The following DENND4C variants were observed in gnomAD, a reference collection of about 807,000 sequenced individuals.
DENND4C encodes DENN domain-containing protein 4C.
A neutral mutation model predicts 203.0 loss-of-function variants in DENND4C; 108 were observed. The ratio of observed to expected loss-of-function variants is 0.53; its 90% CI spans 0.46 to 0.62. DENND4C has a LOEUF of 0.62. Among genes scored for constraint, DENND4C ranks in the 20% least tolerant of loss-of-function variants. DENND4C has a pLI of 0.00. For missense variants in DENND4C, 2,481 were observed against 2,301.2 expected (o/e 1.08, Z -1.60); for synonymous variants, 871 against 792.4 (o/e 1.10, Z -1.67).
intron 30 of DENND4C, among the ~76,000 whole-genome samples, chr9:19,364,027 A>G (rs1035824565): frequency 6.6e-6 from 1 of 152,092 alleles, no homozygotes; most frequent in Non-Finnish European, 1.5e-5. Context: ...AAAGAAAAAA[A>G]GGATAATGTG....
chr9:19,281,096 G>T lies in DENND4C; in HGVS notation c.305+4617G>T, dbSNP rs191620203. Among the ~76,000 whole-genome samples, 250 of 152,228 alleles carry T rather than the reference G, an allele frequency of 1.6e-3. 2 individuals carry two copies. The highest frequency in any genetic ancestry group is 4.6e-3 in the African/African-American group (191 of 41,550). On this transcript the variant is annotated intron_variant, in intron 2 of 32. Coordinates refer to ENST00000434457, the MANE Select transcript of DENND4C (RefSeq NM_001330640.2). ...GCCCACCTGCCACCCCTCCCATACA[G>T]TCATGACTGAAAGATGTGAATCTCT... is the stretch of plus-strand genomic sequence containing the variant.
At chr9:19,331,842 C>A in intron 16 of DENND4C, 136 bp from the exon 17 acceptor site, 3 of 719,154 alleles carry the variant, frequency 4.2e-6, no homozygotes, top group East Asian at 2.7e-5. Context: ...GGAAGCCACT[C>A]ACAAAAGTCA....
intron 12 of DENND4C, among the ~76,000 whole-genome samples, chr9:19,323,682 C>G (rs1843261906): frequency 6.6e-6 from 1 of 152,124 alleles, no homozygotes; most frequent in South Asian, 2.1e-4. Flanking sequence ...AAATAATGGT[C>G]TTGCAACATT....
At chr9:19,240,372 A>G (rs551524938) in intron 1 of DENND4C, among the ~76,000 whole-genome samples, 2 of 152,308 alleles carry the variant, frequency 1.3e-5, no homozygotes, top group East Asian at 1.9e-4. Flanking sequence ...AAAATACGGT[A>G]TAAAAGGGCC....
chr9:19,358,172 C>G lies in DENND4C; in HGVS notation c.5160+12C>G, dbSNP rs771604310. On this transcript the variant is annotated intron_variant, in intron 28 of 32. Coordinates refer to ENST00000434457, the MANE Select transcript of DENND4C (RefSeq NM_001330640.2). The surrounding 1 kb of genome is among the most constrained non-coding windows in gnomAD (Gnocchi z 4.8). ...TGCAGGAAGTTGTGGTATGTAACAA[C>G]AACAACATTGTAATTATACTGCATA... 1 of 1,606,902 alleles carries G rather than the reference C, an allele frequency of 6.2e-7. No homozygotes were observed. Among genetic ancestry groups the G allele is most frequent in the Non-Finnish European group, 8.5e-7 (1 of 1,174,596 alleles).
chr9:19,370,761 G>A (rs1563851061), intron 31 of DENND4C, among the ~76,000 whole-genome samples: 1 of 152,208 alleles, frequency 6.6e-6, no homozygotes. Flanking sequence ...GCTCAGATTA[G>A]TACTCATCCC....
chr9:19,309,254 C>G (rs1057083501), intron 10 of DENND4C, among the ~76,000 whole-genome samples: 5 of 152,108 alleles, frequency 3.3e-5, no homozygotes, highest in Admixed American at 6.5e-5. Context: ...GAAACCCCAT[C>G]TCTACTAACA....
At chr9:19,257,099 C>T (rs1028649234) in intron 1 of DENND4C, among the ~76,000 whole-genome samples, 6 of 150,368 alleles carry the variant, frequency 4.0e-5, no homozygotes, top group Non-Finnish European at 7.4e-5. Context: ...TATTTTGATC[C>T]AGGTGAGGTT....
At chr9:19,317,211 G>C (rs544386547) in intron 12 of DENND4C, among the ~76,000 whole-genome samples, 52 of 141,708 alleles carry the variant, frequency 3.7e-4, no homozygotes, top group African/African-American at 1.3e-3. Flanking sequence ...TAATAGAGCA[G>C]AGTCTTGCTG....
intron 1 of DENND4C, among the ~76,000 whole-genome samples, chr9:19,232,141 C>G (rs77476179): frequency 0.015 from 2,261 of 152,178 alleles, 51 homozygotes; most frequent in African/African-American, 0.052. Context: ...CTGTCCTGTT[C>G]TTTGTATTAC....
At chr9:19,335,133 G>A (rs888892591) in intron 18 of DENND4C, 28 bp downstream of exon 18, 2 of 1,468,402 alleles carry the variant, frequency 1.4e-6, no homozygotes, top group Non-Finnish European at 1.8e-6. Flanking sequence ...TAGGCAAGAT[G>A]TGGTGTTTAT....
intron 17 of DENND4C, among the ~76,000 whole-genome samples, chr9:19,334,335 G>C (rs1282504099): frequency 6.6e-6 from 1 of 151,966 alleles, no homozygotes; most frequent in Non-Finnish European, 1.5e-5. Flanking sequence ...ACAGGCATGA[G>C]CTACTGCTCC....
intron 1 of DENND4C, among the ~76,000 whole-genome samples, chr9:19,251,006 C>G (rs529937964): frequency 1.3e-5 from 2 of 152,342 alleles, no homozygotes; most frequent in South Asian, 4.1e-4. Context: ...CACCTTCTCA[C>G]AGCTCCGCTA....
At chr9:19,270,830 A>G (rs1255734854) in intron 1 of DENND4C, among the ~76,000 whole-genome samples, 2 of 152,258 alleles carry the variant, frequency 1.3e-5, no homozygotes, top group Non-Finnish European at 2.9e-5. Context: ...TTATGTGGAA[A>G]GTCTGATAGA....
intron 9 of DENND4C, among the ~76,000 whole-genome samples, chr9:19,301,420 G>T (rs1240585616): frequency 6.6e-6 from 1 of 152,166 alleles, no homozygotes; most frequent in Admixed American, 6.5e-5. Flanking sequence ...GCACAGAGTA[G>T]GCCCTCAGTA....
In DENND4C at chr9:19,296,184, G is replaced by A; in HGVS notation, c.978G>A (p.Arg326=). Residue 326 remains arginine (R), a synonymous_variant, in exon 6 of 33, where the codon AGG becomes AGA. Coordinates refer to ENST00000434457, the MANE Select transcript of DENND4C (RefSeq NM_001330640.2). ...LSHWPFFEAF[R]KFLMFIYKLS... ...ACTGGCCTTTTTTTGAAGCTTTTAG[G>A]AAATTTCTTATGTTTATCTACAAAC... 1 of 1,613,776 alleles carries A rather than the reference G, an allele frequency of 6.2e-7. No homozygotes were observed. The highest frequency in any genetic ancestry group is 8.5e-7 in the Non-Finnish European group (1 of 1,179,896).
At chr9:19,341,807 A>G (rs1016191979) in intron 21 of DENND4C, among the ~76,000 whole-genome samples, 1 of 152,142 alleles carries the variant, frequency 6.6e-6, no homozygotes, top group Non-Finnish European at 1.5e-5. Context: ...ATCTAGGTGC[A>G]TAGTTTTCAT....
At chr9:19,337,532 C>G (rs1422874735) in intron 20 of DENND4C, 9 of 899,710 alleles carry the variant, frequency 1.0e-5, no homozygotes, top group Non-Finnish European at 1.2e-5. Context: ...CTCTTTGTTG[C>G]TTTGCTTTTT....
Position 19,372,279 on chromosome 9 carries a change from T to C in DENND4C, c.*106T>C, listed in dbSNP as rs1334864725. 2.2e-6 allele frequency: 3 copies of C among 1,346,050 alleles called. No homozygotes were observed. The highest frequency in any genetic ancestry group is 3.1e-6 in the Non-Finnish European group (3 of 980,410). The allele number at this position is 1,346,050 out of a possible 1,614,324, so 83.4% of individuals were successfully genotyped here. On this transcript the variant is annotated 3_prime_UTR_variant, in exon 33 of 33. Transcript: ENST00000434457. ...TCGTAAGAACTGGTGAATACGGAAT[T>C]GAAGTAACTCTTGGGGACAATATAT...
Sources: allele counts gnomAD v4.1 joint callset (sites outside exome capture counted in the v4.1 genomes callset), GRCh38; gene constraint gnomAD v4.1.1; non-coding constraint Gnocchi (gnomAD v3.1); transcripts MANE v1.5; gene names NCBI Gene and HGNC (gene_info 2026-07-23, HGNC 2026-07-21).